CADM2: variants seen among roughly 807,000 people sequenced by gnomAD.
CADM2 encodes immunoglobulin superfamily member 4D.
Under a neutral mutation model 49.8 loss-of-function variants are expected in CADM2, and 12 were observed. The observed-to-expected ratio is 0.24, with a 90% CI of 0.15 to 0.39. The LOEUF (loss-of-function observed/expected upper bound fraction) is 0.39, where lower values mean the gene tolerates loss of function less well. Among genes scored for constraint, CADM2 ranks in the 10% least tolerant of loss-of-function variants. The pLI is 1.00. For missense variants in CADM2, 378 were observed against 492.3 expected (o/e 0.77, Z 2.20); for synonymous variants, 214 against 175.4 (o/e 1.22, Z -1.74).
At chr3:84,997,349 C>T (rs981588387) in intron 1 of CADM2, among the ~76,000 whole-genome samples, 2 of 152,000 alleles carry the variant, frequency 1.3e-5, no homozygotes, top group African/African-American at 4.8e-5. Context: ...TGTGAATTAA[C>T]AAATATCTTA....
At chr3:85,730,320 T>C (rs1293780709) in intron 2 of CADM2, among the ~76,000 whole-genome samples, 3 of 152,050 alleles carry the variant, frequency 2.0e-5, no homozygotes, top group Non-Finnish European at 4.4e-5. Context: ...TGGTCCCCTG[T>C]AATCCCAGCT....
intron 1 of CADM2, among the ~76,000 whole-genome samples, chr3:85,208,270 T>C (rs999820609): frequency 1.3e-5 from 2 of 152,188 alleles, no homozygotes; most frequent in African/African-American, 2.4e-5. Context: ...TGCTTTGTTA[T>C]AACACCCTTT....
intron 3 of CADM2, among the ~76,000 whole-genome samples, chr3:85,855,642 T>TA (rs1387866626): frequency 9.9e-5 from 12 of 121,136 alleles, no homozygotes; most frequent in African/African-American, 3.5e-4. Context: ...ATATATATAT[T>TA]TTGAGACGGA....
chr3:85,554,866 TA>T (rs1559906816), intron 1 of CADM2, among the ~76,000 whole-genome samples: 43 of 96,314 alleles, frequency 4.5e-4, no homozygotes, highest in Admixed American at 1.1e-3. Context: ...TATTTGACTT[TA>T]TTTTTTTTAT....
intron 2 of CADM2, among the ~76,000 whole-genome samples, chr3:85,779,407 T>G (rs1429511442): frequency 6.6e-6 from 1 of 152,156 alleles, no homozygotes; most frequent in Non-Finnish European, 1.5e-5. Flanking sequence ...TGAGACTATG[T>G]CATTTATAAA....
chr3:85,077,640 A>C (rs1017026435), intron 1 of CADM2, among the ~76,000 whole-genome samples: 24 of 152,072 alleles, frequency 1.6e-4, no homozygotes, highest in African/African-American at 5.6e-4. Flanking sequence ...ATATAAAATG[A>C]TGTAACAATT....
chr3:85,099,590 C>A (rs1233569915), intron 1 of CADM2, among the ~76,000 whole-genome samples: 1 of 152,194 alleles, frequency 6.6e-6, no homozygotes, highest in East Asian at 1.9e-4. Context: ...CTGCATCAGC[C>A]TCCCGAGTAG....
intron 1 of CADM2, among the ~76,000 whole-genome samples, chr3:85,197,490 G>T (rs2041372371): frequency 6.6e-6 from 1 of 151,920 alleles, no homozygotes; most frequent in African/African-American, 2.4e-5. Flanking sequence ...CGTGCCTGTG[G>T]ATTGGCTCCA....
intron 2 of CADM2, among the ~76,000 whole-genome samples, chr3:85,779,156 A>G (rs1307705929): frequency 6.6e-6 from 1 of 151,948 alleles, no homozygotes. Context: ...TATGGGGCAT[A>G]TTTTTGGTCA....
At chr3:85,456,893 A>T (rs1208610935) in intron 1 of CADM2, among the ~76,000 whole-genome samples, 1 of 151,018 alleles carries the variant, frequency 6.6e-6, no homozygotes, top group Non-Finnish European at 1.5e-5. Context: ...AACAGCACTC[A>T]TTGTCAGGCT....
chr3:85,944,883 C>A (rs572984474), intron 7 of CADM2, among the ~76,000 whole-genome samples: 3 of 151,974 alleles, frequency 2.0e-5, no homozygotes, highest in South Asian at 2.1e-4. Flanking sequence ...GAAGCAAGAG[C>A]AAACACATTC....
chr3:85,481,165 A>G (rs1199598238), intron 1 of CADM2, among the ~76,000 whole-genome samples: 1 of 150,590 alleles, frequency 6.6e-6, no homozygotes, highest in Non-Finnish European at 1.5e-5. Flanking sequence ...ATGATAAGAC[A>G]TTAATCTTTG....
At chr3:85,638,204 T>G (rs1199125610) in intron 1 of CADM2, among the ~76,000 whole-genome samples, 1 of 152,190 alleles carries the variant, frequency 6.6e-6, no homozygotes, top group Non-Finnish European at 1.5e-5. Flanking sequence ...TCTAGAAGAT[T>G]GCAATTTGAA....
rs568685266 is a variant in CADM2, at chr3:85,088,329, A to G, written c.61+128661A>G. Among the ~76,000 whole-genome samples the G allele has an allele frequency of 1.9e-4, 29 of 152,256 alleles. No homozygotes were observed. The South Asian group carries it at 4.6e-3, about 24-fold the overall frequency. ...CTTTTATAGTACAATCCTTTAGAAC[A>G]CCAACTGTACAAATTTCAAAACTCT... On this transcript the variant is annotated intron_variant, in intron 1 of 9. Transcript: ENST00000383699.
At chr3:86,000,810 A>G (rs1360508352) in intron 8 of CADM2, among the ~76,000 whole-genome samples, 1 of 152,156 alleles carries the variant, frequency 6.6e-6, no homozygotes, top group Non-Finnish European at 1.5e-5. Flanking sequence ...ACTTTAAATA[A>G]TTTATTTTAA....
intron 1 of CADM2, among the ~76,000 whole-genome samples, chr3:85,175,007 A>G (rs2040739847): frequency 6.6e-6 from 1 of 152,218 alleles, no homozygotes; most frequent in South Asian, 2.1e-4. Flanking sequence ...CAAATGGACA[A>G]TAAGTAAGTG....
At chr3:86,024,003 A>T (rs1236201143) in intron 8 of CADM2, among the ~76,000 whole-genome samples, 1 of 152,226 alleles carries the variant, frequency 6.6e-6, no homozygotes, top group Non-Finnish European at 1.5e-5. Context: ...ATCAAAATTT[A>T]CGTTGACTTT....
chr3:85,406,357 GA>G (rs1266184711), intron 1 of CADM2, among the ~76,000 whole-genome samples: 8 of 151,756 alleles, frequency 5.3e-5, no homozygotes, highest in South Asian at 2.1e-4. Flanking sequence ...AATATTTTTT[GA>G]AAAAAATTCT....
intron 8 of CADM2, among the ~76,000 whole-genome samples, chr3:86,060,399 A>G (rs1738488898): frequency 6.6e-6 from 1 of 152,194 alleles, no homozygotes; most frequent in Admixed American, 6.5e-5. Context: ...CATGTAATTC[A>G]TATTTCAGTT....
Sources: gnomAD v4.1 joint callset for allele counts (sites outside exome capture counted in the v4.1 genomes callset) on GRCh38, gnomAD v4.1.1 for gene constraint, MANE v1.5 for transcripts, NCBI Gene and HGNC (gene_info 2026-07-23, HGNC 2026-07-21) for gene names.